The following FOXP2 variants were observed in gnomAD, a reference collection of about 807,000 sequenced individuals.
The protein encoded by FOXP2 is forkhead box P2, also known as forkhead box protein P2.
A neutral mutation model predicts 115.8 loss-of-function variants in FOXP2; 12 were observed. The ratio of observed to expected loss-of-function variants is 0.10; its 90% confidence interval spans 0.07 to 0.17. The LOEUF is 0.17. Among genes scored for constraint, FOXP2 ranks in the 10% least tolerant of loss-of-function variants. FOXP2 has a pLI of 1.00. For missense variants in FOXP2, 629 were observed against 843.5 expected (o/e 0.75, Z 3.15); for synonymous variants, 328 against 297.7 (o/e 1.10, Z -1.05).
chr7:114,637,273 G>C (rs1407173001), intron 6 of FOXP2, among the ~76,000 whole-genome samples: 1 of 152,130 alleles, frequency 6.6e-6, no homozygotes, highest in East Asian at 1.9e-4. Flanking sequence ...AATATTTGTG[G>C]TACTGGCAGT....
chr7:114,690,872 A>G lies in FOXP2; in HGVS notation c.*946A>G. The G allele has an allele frequency of 2.2e-6, 1 of 454,502 alleles. No homozygotes were observed. Among genetic ancestry groups the G allele is most frequent in the Non-Finnish European group, 4.4e-6 (1 of 226,768 alleles). The allele number at this position is 454,502 out of a possible 1,614,324, so 28.2% of individuals were successfully genotyped here. On this transcript the variant is annotated 3_prime_UTR_variant, in exon 17 of 17. Transcript: ENST00000350908. Reference sequence around the variant, plus strand: ...TCCATGAACTACCTGCTGTTTTCTGATGACCTCTGGGATCTTTTCATTTAG... The same window carrying G: ...TCCATGAACTACCTGCTGTTTTCTGGTGACCTCTGGGATCTTTTCATTTAG...
intron 1 of FOXP2, among the ~76,000 whole-genome samples, chr7:114,095,526 G>A (rs1799628127): frequency 6.6e-6 from 1 of 151,812 alleles, no homozygotes; most frequent in African/African-American, 2.4e-5. Flanking sequence ...GTCAGAAATG[G>A]ACCCTCCCCT....
At chr7:114,204,711 T>G (rs1794155916) in intron 1 of FOXP2, among the ~76,000 whole-genome samples, 2 of 152,152 alleles carry the variant, frequency 1.3e-5, no homozygotes, top group South Asian at 4.1e-4. Context: ...TTTGTCACAG[T>G]TTTTTGAGAG....
chr7:114,435,182 CCAGCCTTCAGTA>C (rs1794284363), intron 2 of FOXP2, among the ~76,000 whole-genome samples: 1 of 152,062 alleles, frequency 6.6e-6, no homozygotes, highest in African/African-American at 2.4e-5. Context: ...AAGCATTTCC[CCAGCCTTCAGTA>C]CAGAAGATAG....
chr7:114,483,936 T>G (rs1281840613), intron 2 of FOXP2, among the ~76,000 whole-genome samples: 1 of 151,796 alleles, frequency 6.6e-6, no homozygotes, highest in Non-Finnish European at 1.5e-5. Context: ...GTCTACTTCT[T>G]CTAGTACTAT....
chr7:114,114,366 A>T (rs1390159551), intron 1 of FOXP2, among the ~76,000 whole-genome samples: 1 of 151,898 alleles, frequency 6.6e-6, no homozygotes, highest in African/African-American at 2.4e-5. Context: ...GTTGGATCTT[A>T]CTTGGGAATA....
intron 2 of FOXP2, among the ~76,000 whole-genome samples, chr7:114,405,267 T>C (rs1037094855): frequency 3.3e-5 from 5 of 151,900 alleles, no homozygotes; most frequent in Non-Finnish European, 7.4e-5. Flanking sequence ...GTCCATATAC[T>C]CCTTATTATA....
intron 2 of FOXP2, among the ~76,000 whole-genome samples, chr7:114,335,055 A>G (rs1233078713): frequency 1.3e-5 from 2 of 150,472 alleles, no homozygotes; most frequent in Admixed American, 6.6e-5. Flanking sequence ...ATATGGTTGC[A>G]AAATACTGGG....
chr7:114,339,816 TA>T (rs1365727773), intron 2 of FOXP2, among the ~76,000 whole-genome samples: 4 of 151,236 alleles, frequency 2.6e-5, no homozygotes, highest in Non-Finnish European at 5.9e-5. Context: ...CAGAGTAAGA[TA>T]CAGTTTTTTT....
At chr7:114,439,904 G>A (rs1186988234) in intron 2 of FOXP2, among the ~76,000 whole-genome samples, 1 of 152,106 alleles carries the variant, frequency 6.6e-6, no homozygotes, top group African/African-American at 2.4e-5. Context: ...TTTTGTAATA[G>A]GAGCTTTATA....
intron 10 of FOXP2, 103 bp from the exon 11 acceptor site, chr7:114,657,963 G>T: frequency 8.1e-7 from 1 of 1,237,040 alleles, no homozygotes; most frequent in Non-Finnish European, 1.2e-6. Flanking sequence ...CTTATTAGTG[G>T]CAACACAGCT....
At chr7:114,145,431 TTTTTCTTTTCTTTTCTTTTCTTTTC>T (rs61612673) in intron 1 of FOXP2, among the ~76,000 whole-genome samples, 9,881 of 100,340 alleles carry the variant, frequency 0.098, 567 homozygotes, top group East Asian at 0.33. Flanking sequence ...GCTTTGCCAT[TTTTTCTTTTCTTTTCTTTTCTTTTC>T]TTTTCTTTTC....
chr7:114,266,398 A>G (rs1033288374), intron 1 of FOXP2, among the ~76,000 whole-genome samples: 1 of 152,186 alleles, frequency 6.6e-6, no homozygotes, highest in Non-Finnish European at 1.5e-5. Flanking sequence ...TGCAGACTGT[A>G]CAGGAAGCAT....
chr7:114,653,803 C>A (rs904557326), intron 9 of FOXP2, 123 bp from the exon 10 acceptor site: 2 of 1,091,670 alleles, frequency 1.8e-6, no homozygotes, highest in Non-Finnish European at 2.8e-6. Flanking sequence ...TTCCTCCTGA[C>A]GCAGACTTTT....
intron 1 of FOXP2, among the ~76,000 whole-genome samples, chr7:114,163,839 T>G (rs1355587561): frequency 2.6e-5 from 4 of 152,206 alleles, no homozygotes; most frequent in Non-Finnish European, 5.9e-5. Context: ...TGTGATATAA[T>G]GGTTGTGATA....
chr7:114,174,527 C>A (rs2129153632), intron 1 of FOXP2, among the ~76,000 whole-genome samples: 1 of 152,050 alleles, frequency 6.6e-6, no homozygotes, highest in Non-Finnish European at 1.5e-5. Context: ...TAGCTTTTTT[C>A]TTCTTCTTCA....
chr7:114,427,772 A>T (rs1793922536), intron 2 of FOXP2, among the ~76,000 whole-genome samples: 2 of 151,616 alleles, frequency 1.3e-5, no homozygotes, highest in Non-Finnish European at 3.0e-5. Flanking sequence ...ATTATTTTAA[A>T]CAATAACAGC....
At chr7:114,492,012 T>C (rs1158513129) in intron 2 of FOXP2, among the ~76,000 whole-genome samples, 1 of 152,230 alleles carries the variant, frequency 6.6e-6, no homozygotes, top group Non-Finnish European at 1.5e-5. Context: ...ATACCTCTGG[T>C]AGAATTCGGC....
chr7:114,357,847 G>A (rs1464449519), intron 2 of FOXP2, among the ~76,000 whole-genome samples: 1 of 152,132 alleles, frequency 6.6e-6, no homozygotes, highest in Non-Finnish European at 1.5e-5. Context: ...TAGTCTAAGA[G>A]TAATACTATC....
Sources: allele counts gnomAD v4.1 joint callset (sites outside exome capture counted in the v4.1 genomes callset), GRCh38; gene constraint gnomAD v4.1.1; transcripts MANE v1.5; gene names NCBI Gene and HGNC (gene_info 2026-07-23, HGNC 2026-07-21).